DOCK4: variants seen among roughly 807,000 people sequenced by gnomAD.
The protein encoded by DOCK4 is dedicator of cytokinesis protein 4.
In DOCK4, 97 loss-of-function variants were observed where a neutral mutation model predicts 268.1. The observed-to-expected ratio is 0.36, with a 90% confidence interval of 0.31 to 0.43. DOCK4 has a LOEUF of 0.43. Ranked by LOEUF, DOCK4 falls within the 20% of genes least tolerant of loss-of-function variation. The pLI, the probability that DOCK4 is intolerant of heterozygous loss-of-function variation, is 1.00. For missense variants in DOCK4, 2,145 were observed against 2,455.7 expected (o/e 0.87, Z 2.67); for synonymous variants, 954 against 887.2 (o/e 1.08, Z -1.34).
intron 1 of DOCK4, among the ~76,000 whole-genome samples, chr7:112,067,837 G>A (rs979142444): frequency 1.3e-5 from 2 of 152,210 alleles, no homozygotes; most frequent in African/African-American, 4.8e-5. Flanking sequence ...GAAAACTACA[G>A]CAGACATCTA....
chr7:111,727,884 TTAA>T lies in DOCK4; in HGVS notation c.*387_*389del, dbSNP rs1048711873. The T allele has an allele frequency of 6.1e-6, 1 of 163,744 alleles. No homozygotes were observed. Among genetic ancestry groups the T allele is most frequent in the African/African-American group, 2.4e-5 (1 of 42,014 alleles). The allele number at this position is 163,744 out of a possible 1,614,324, so 10.1% of individuals were successfully genotyped here. On this transcript the variant is annotated 3_prime_UTR_variant, in exon 53 of 53. Coordinates refer to ENST00000428084, the MANE Select transcript of DOCK4 (RefSeq NM_001363540.2). ...CCACTGTGTTAGGATGTGCACTGAC[TTAA>T]TAAGCTTTCTCCAAGTATCAAGTAT...
At chr7:111,867,739 G>A (rs1806089969) in intron 22 of DOCK4, among the ~76,000 whole-genome samples, 1 of 152,198 alleles carries the variant, frequency 6.6e-6, no homozygotes, top group Non-Finnish European at 1.5e-5. Context: ...AACCGGAAAT[G>A]AAGCTGATGC....
At position 111,770,218 on chromosome 7, in the gene DOCK4, A is replaced by AAG. The variant is rs1219468248; in HGVS notation, c.3680-543_3680-542dup. Reference sequence around the variant, plus strand: ...AAAGAAGCCAGAGAGGAGCTGAGTGAAGACCAAAAAAAAAAAAAAAAAGAA... The same window carrying AAG: ...AAAGAAGCCAGAGAGGAGCTGAGTGAAGAGACCAAAAAAAAAAAAAAAAAGAA... On this transcript the variant is annotated intron_variant, in intron 36 of 52. Coordinates refer to ENST00000428084, the MANE Select transcript of DOCK4 (RefSeq NM_001363540.2). Among the ~76,000 whole-genome samples the AAG allele has an allele frequency of 2.1e-5, 3 of 146,292 alleles. No individual in the cohort carries two copies. The East Asian group carries it at 5.9e-4, about 29-fold the overall frequency.
rs539156632 is a variant in DOCK4, at chr7:111,894,597, A to G, written c.1587+1015T>C. On this transcript the variant is annotated intron_variant, in intron 16 of 52. Coordinates refer to ENST00000428084, the MANE Select transcript of DOCK4 (RefSeq NM_001363540.2). ...CAGGTGAGCCTCCAGGGATGAGCAGAAGACACTCAGAGGGAGAGGCAGGGG... is the reference window on the plus strand; with the variant it reads ...CAGGTGAGCCTCCAGGGATGAGCAGGAGACACTCAGAGGGAGAGGCAGGGG... Among the ~76,000 whole-genome samples the G allele has an allele frequency of 1.2e-4, 18 of 152,290 alleles. No individual in the cohort carries two copies. In the South Asian group the frequency reaches 3.5e-3, roughly 30 times the overall value.
intron 1 of DOCK4, among the ~76,000 whole-genome samples, chr7:112,163,266 G>C (rs1018430892): frequency 1.3e-5 from 2 of 151,678 alleles, no homozygotes; most frequent in African/African-American, 4.8e-5. Context: ...CCAGCATCCT[G>C]CCCTCCTCCC....
chr7:111,728,987 C>T (rs892731547), intron 52 of DOCK4, among the ~76,000 whole-genome samples: 2 of 152,126 alleles, frequency 1.3e-5, no homozygotes, highest in African/African-American at 2.4e-5. Context: ...GCAGGAAGGG[C>T]GGTCTGCAAG....
intron 1 of DOCK4, among the ~76,000 whole-genome samples, chr7:112,174,590 T>C (rs759236859): frequency 6.6e-6 from 1 of 152,080 alleles, no homozygotes; most frequent in Non-Finnish European, 1.5e-5. Flanking sequence ...AAAGAAATCA[T>C]GATTACAGGG....
At chr7:111,940,357 G>A (rs1795111883) in intron 10 of DOCK4, 115 bp from the exon 11 acceptor site, 3 of 1,384,734 alleles carry the variant, frequency 2.2e-6, no homozygotes, top group Admixed American at 1.8e-5. Flanking sequence ...GCAATAAAGA[G>A]CACCCAGGTT....
intron 1 of DOCK4, among the ~76,000 whole-genome samples, chr7:112,030,665 G>T (rs80197660): frequency 0.014 from 2,119 of 152,156 alleles, 50 homozygotes; most frequent in African/African-American, 0.047. Context: ...CATCTTTTGG[G>T]ACTTTGAGCT....
intron 49 of DOCK4, 66 bp downstream of exon 49, chr7:111,739,068 G>T: frequency 2.1e-6 from 3 of 1,412,092 alleles, no homozygotes; most frequent in Non-Finnish European, 3.0e-6. Context: ...GCGTGTTTCT[G>T]CAGAGATAGG....
chr7:111,900,717 C>G (rs567271050), intron 14 of DOCK4, among the ~76,000 whole-genome samples, 181 bp from the exon 15 acceptor site: 32 of 152,314 alleles, frequency 2.1e-4, no homozygotes, highest in Middle Eastern at 3.4e-3. Flanking sequence ...CTATTTAATT[C>G]TGATGCTGGT....
At chr7:111,973,814 A>AGG (rs1797921866) in intron 8 of DOCK4, among the ~76,000 whole-genome samples, 1 of 152,144 alleles carries the variant, frequency 6.6e-6, no homozygotes, top group South Asian at 2.1e-4. Flanking sequence ...AAGCTGGTGG[A>AGG]GGGTACATAA....
At chr7:111,758,593 G>GAGTT (rs766799470) in intron 41 of DOCK4, 31 bp downstream of exon 41, 1 of 1,610,872 alleles carries the variant, frequency 6.2e-7, no homozygotes, top group Non-Finnish European at 8.5e-7. Flanking sequence ...TCTATCTGAG[G>GAGTT]AGTTAGCATG....
Position 111,747,401 on chromosome 7 carries a change from T to G in DOCK4, c.4459A>C (p.Asn1487His), listed in dbSNP as rs371250954. The G allele has an allele frequency of 3.5e-5, 57 of 1,610,352 alleles. No homozygotes were observed. Among genetic ancestry groups the G allele is most frequent in the Non-Finnish European group, 4.8e-5 (56 of 1,178,400 alleles). ...PLENAIEVLE[N>H]KNQQLKTLIS... The stretch of plus-strand genomic sequence containing the variant: ...AGAGTCTTCAGCTGCTGATTCTTAT[T>G]TTCTAGCACTTCAATTGCATTTTCC... The change falls in exon 43 of 53, where the codon AAT (asparagine) becomes CAT (histidine). Residue 1487 changes from asparagine to histidine, a missense_variant. Physicochemically the swap from Asn to His is moderately conservative, Grantham distance 68 (BLOSUM62 1). Coordinates refer to ENST00000428084, the MANE Select transcript of DOCK4 (RefSeq NM_001363540.2).
intron 13 of DOCK4, among the ~76,000 whole-genome samples, chr7:111,909,584 A>G (rs575540622): frequency 1.3e-5 from 2 of 152,382 alleles, no homozygotes; most frequent in East Asian, 3.9e-4. Context: ...AATAATACTT[A>G]TAAAATAAAC....
At position 111,791,308 on chromosome 7, in the gene DOCK4, T is replaced by C. The variant is rs768996404; in HGVS notation, c.3167-703A>G. Among the ~76,000 whole-genome samples, 782 of 106,214 alleles carry C rather than the reference T, an allele frequency of 7.4e-3. 3 individuals are homozygous for C. Among genetic ancestry groups the C allele is most frequent in the Non-Finnish European group, 8.3e-3 (496 of 59,450 alleles). The allele number at this position is 106,214 out of a possible 152,430, so 69.7% of individuals were successfully genotyped here. A position where few individuals can be genotyped will look rare whatever the true frequency, so the allele number is the denominator to read the frequency against. ...ACACACACACACACACACACACATATATCTTAGTCTAGAGTATTATATCCC... is the reference window on the plus strand; with the variant it reads ...ACACACACACACACACACACACATACATCTTAGTCTAGAGTATTATATCCC... On this transcript the variant is annotated intron_variant, in intron 30 of 52. Transcript: ENST00000428084.
At chr7:111,974,115 A>G (rs1749696631) in intron 8 of DOCK4, among the ~76,000 whole-genome samples, 1 of 152,116 alleles carries the variant, frequency 6.6e-6, no homozygotes, top group Non-Finnish European at 1.5e-5. Flanking sequence ...TCAACTGCAG[A>G]GACAAGAGCC....
chr7:112,063,822 C>T (rs1025528921), intron 1 of DOCK4, among the ~76,000 whole-genome samples: 4 of 152,092 alleles, frequency 2.6e-5, no homozygotes, highest in Non-Finnish European at 5.9e-5. Flanking sequence ...AGGGTAGGAT[C>T]GGGACATGTA....
At chr7:111,968,740 G>T (rs1283386062) in intron 8 of DOCK4, among the ~76,000 whole-genome samples, 1 of 113,758 alleles carries the variant, frequency 8.8e-6, no homozygotes, top group Non-Finnish European at 1.7e-5. Flanking sequence ...AAATCATGCT[G>T]CTATAAAGAC....
Sources: gnomAD v4.1 joint callset for allele counts (sites outside exome capture counted in the v4.1 genomes callset) on GRCh38, gnomAD v4.1.1 for gene constraint, MANE v1.5 for transcripts, NCBI Gene and HGNC (gene_info 2026-07-23, HGNC 2026-07-21) for gene names.